The following DLGAP2 variants were observed in gnomAD, a reference collection of about 807,000 sequenced individuals.
The protein encoded by DLGAP2 is disks large-associated protein 2.
A neutral mutation model predicts 100.3 loss-of-function variants in DLGAP2; 26 were observed. The observed-to-expected ratio is 0.26, with a 90% CI of 0.19 to 0.36. DLGAP2 has a LOEUF of 0.36. Among genes scored for constraint, DLGAP2 ranks in the 10% least tolerant of loss-of-function variants. DLGAP2 has a pLI of 1.00. For missense variants in DLGAP2, 1,858 were observed against 1,453.2 expected (o/e 1.28, Z -4.53); for synonymous variants, 886 against 630.1 (o/e 1.41, Z -6.08).
chr8:1,577,092 C>G (rs574778987), intron 6 of DLGAP2, among the ~76,000 whole-genome samples: 20 of 152,124 alleles, frequency 1.3e-4, no homozygotes, highest in Admixed American at 2.0e-4. Context: ...CTGAATACTG[C>G]AAGTAAATGA....
chr8:1,622,578 G>A (rs1169523611), intron 6 of DLGAP2, among the ~76,000 whole-genome samples: 1 of 152,232 alleles, frequency 6.6e-6, no homozygotes, highest in Non-Finnish European at 1.5e-5. Context: ...CAGGAATCCT[G>A]CAGTTCTGTC....
At chr8:1,537,355 G>A (rs1440823265) in intron 4 of DLGAP2, among the ~76,000 whole-genome samples, 1 of 152,096 alleles carries the variant, frequency 6.6e-6, no homozygotes. Flanking sequence ...GGTGAACAAG[G>A]CAGGAAAATG....
chr8:1,038,023 C>G (rs1450432504), intron 2 of DLGAP2, among the ~76,000 whole-genome samples: 1 of 152,198 alleles, frequency 6.6e-6, no homozygotes, highest in African/African-American at 2.4e-5. Context: ...GCTGGGAGAG[C>G]TGGTGTGGAG....
chr8:1,691,504 G>T (rs757590549), intron 12 of DLGAP2, 31 bp from the exon 13 acceptor site: 2 of 1,587,672 alleles, frequency 1.3e-6, no homozygotes, highest in South Asian at 2.3e-5. Flanking sequence ...TGAAGTTGTT[G>T]TTTTTTTGTT....
intron 2 of DLGAP2, among the ~76,000 whole-genome samples, chr8:924,358 T>C (rs1483024139): frequency 6.6e-6 from 1 of 152,100 alleles, no homozygotes; most frequent in Non-Finnish European, 1.5e-5. Flanking sequence ...TTAGCAGATG[T>C]TGGGGCCAGA....
chr8:1,640,371 G>C (rs532657233), intron 8 of DLGAP2, among the ~76,000 whole-genome samples: 25 of 146,776 alleles, frequency 1.7e-4, no homozygotes, highest in African/African-American at 6.6e-4. Context: ...CTCAGTGTCA[G>C]ACCTGCTGCT....
At chr8:1,217,850 T>A (rs1798243595) in intron 2 of DLGAP2, among the ~76,000 whole-genome samples, 2 of 152,172 alleles carry the variant, frequency 1.3e-5, no homozygotes, top group Non-Finnish European at 2.9e-5. Flanking sequence ...ATTTCTATAA[T>A]GAGTAGTGAT....
chr8:1,171,448 C>A (rs1434554736), intron 2 of DLGAP2, among the ~76,000 whole-genome samples: 1 of 152,018 alleles, frequency 6.6e-6, no homozygotes, highest in African/African-American at 2.4e-5. Context: ...TGTTGACTTT[C>A]TGTCTCATTG....
chr8:1,096,153 G>T (rs914296323), intron 2 of DLGAP2, among the ~76,000 whole-genome samples: 1 of 152,174 alleles, frequency 6.6e-6, no homozygotes, highest in Non-Finnish European at 1.5e-5. Context: ...GGGGTTAATT[G>T]GACCTGTTTT....
At chr8:1,362,472 G>A (rs7845478) in intron 3 of DLGAP2, among the ~76,000 whole-genome samples, 102,693 of 151,562 alleles carry the variant, frequency 0.68, 35,639 homozygotes, top group East Asian at 0.94. Flanking sequence ...TGCAGCCTCC[G>A]GCGGGGACAC....
intron 2 of DLGAP2, among the ~76,000 whole-genome samples, chr8:1,004,214 A>C (rs1801042274): frequency 6.6e-6 from 1 of 152,218 alleles, no homozygotes; most frequent in African/African-American, 2.4e-5. Context: ...AATGTTGTAG[A>C]CTTGCAATAC....
At chr8:1,204,455 C>A (rs990623783) in intron 2 of DLGAP2, among the ~76,000 whole-genome samples, 27 of 152,194 alleles carry the variant, frequency 1.8e-4, no homozygotes, top group African/African-American at 6.5e-4. Context: ...CGTGTAATGA[C>A]CGTGTGTGGT....
intron 6 of DLGAP2, among the ~76,000 whole-genome samples, chr8:1,615,301 C>T (rs1470264522): frequency 1.3e-5 from 2 of 152,164 alleles, no homozygotes; most frequent in Non-Finnish European, 2.9e-5. Context: ...GCCAAACACC[C>T]AAAGCTAAGG....
chr8:867,774 G>C (rs936005523), intron 1 of DLGAP2, among the ~76,000 whole-genome samples: 2 of 152,210 alleles, frequency 1.3e-5, no homozygotes, highest in Non-Finnish European at 2.9e-5. Flanking sequence ...TCTTATAGGG[G>C]AAGTGAAGCT....
chr8:1,697,647 C>T (rs1322134754), intron 14 of DLGAP2, among the ~76,000 whole-genome samples: 1 of 152,198 alleles, frequency 6.6e-6, no homozygotes, highest in African/African-American at 2.4e-5. Context: ...TTATCTTTAT[C>T]AAACTTGTTC....
intron 2 of DLGAP2, among the ~76,000 whole-genome samples, chr8:1,046,352 G>C (rs1482586004): frequency 6.6e-6 from 1 of 152,148 alleles, no homozygotes; most frequent in African/African-American, 2.4e-5. Flanking sequence ...CCTCTAGTTT[G>C]GAGGTTGTTT....
intron 7 of DLGAP2, among the ~76,000 whole-genome samples, chr8:1,627,376 G>A (rs1797532202): frequency 1.3e-5 from 2 of 152,200 alleles, no homozygotes; most frequent in South Asian, 4.1e-4. Context: ...CAGTGGCCAG[G>A]AGAAGGGTCC....
chr8:1,693,992 T>C (rs551462710), intron 13 of DLGAP2, among the ~76,000 whole-genome samples: 6 of 152,200 alleles, frequency 3.9e-5, no homozygotes, highest in Non-Finnish European at 8.8e-5. Flanking sequence ...GCACTGTCTT[T>C]AGGAATGCTC....
chr8:1,159,934 T>G (rs1166514468), intron 2 of DLGAP2, among the ~76,000 whole-genome samples: 2 of 152,026 alleles, frequency 1.3e-5, no homozygotes, highest in Admixed American at 6.6e-5. Flanking sequence ...CCCTGTGAGA[T>G]TAGAACAAAA....
Sources: allele counts gnomAD v4.1 joint callset (sites outside exome capture counted in the v4.1 genomes callset), GRCh38; gene constraint gnomAD v4.1.1; transcripts MANE v1.5; gene names NCBI Gene and HGNC (gene_info 2026-07-23, HGNC 2026-07-21).